The following PDE3B variants were observed in gnomAD, a reference collection of about 807,000 sequenced individuals.
PDE3B encodes phosphodiesterase 3B.
A neutral mutation model predicts 116.8 loss-of-function variants in PDE3B; 66 were observed. The observed-to-expected ratio is 0.56, with a 90% CI of 0.46 to 0.69. PDE3B has a LOEUF of 0.69. PDE3B is among the 30% of genes least tolerant of loss of function. The pLI is 0.00. For missense variants in PDE3B, 1,384 were observed against 1,368.1 expected (o/e 1.01, Z -0.18); for synonymous variants, 595 against 533.6 (o/e 1.12, Z -1.59).
intron 1 of PDE3B, chr11:14,674,031 A>C (rs1221149238): frequency 1.4e-5 from 21 of 1,476,902 alleles, no homozygotes; most frequent in Non-Finnish European, 2.8e-6. Flanking sequence ...TTCGTCTGGT[A>C]ATTAAGTCCC....
chr11:14,708,683 T>C (rs1855604971), intron 1 of PDE3B, among the ~76,000 whole-genome samples: 2 of 152,078 alleles, frequency 1.3e-5, no homozygotes, highest in African/African-American at 4.8e-5. Context: ...TGTAAGAGAA[T>C]ATTCCTCATC....
intron 7 of PDE3B, among the ~76,000 whole-genome samples, chr11:14,819,747 T>TA (rs66721429): frequency 6.6e-6 from 1 of 152,124 alleles, no homozygotes; most frequent in East Asian, 1.9e-4. Context: ...ATTATTTTTT[T>TA]AAAAAAAATC....
intron 1 of PDE3B, among the ~76,000 whole-genome samples, chr11:14,649,164 C>T (rs1047801957): frequency 6.6e-6 from 1 of 152,124 alleles, no homozygotes; most frequent in Non-Finnish European, 1.5e-5. Context: ...ACTCTGTCCT[C>T]CTCAGTGGCA....
At chr11:14,754,535 T>C (rs1372993166) in intron 1 of PDE3B, among the ~76,000 whole-genome samples, 1 of 152,216 alleles carries the variant, frequency 6.6e-6, no homozygotes, top group African/African-American at 2.4e-5. Flanking sequence ...AATAGTGTTT[T>C]GGAATGTGAG....
At chr11:14,857,115 T>C (rs1308114736) in intron 12 of PDE3B, among the ~76,000 whole-genome samples, 1 of 152,188 alleles carries the variant, frequency 6.6e-6, no homozygotes, top group Non-Finnish European at 1.5e-5. Flanking sequence ...GGGTGAAAAG[T>C]AAGATTTATG....
chr11:14,745,890 TC>T lies in PDE3B; in HGVS notation c.979-26045del, dbSNP rs571445217. ...ATCAGGTAACATCCATGATAGTTAT[TC>T]CACATCCCCATTTGCTATCTGATTC... On this transcript the variant is annotated intron_variant, in intron 1 of 15. Transcript: ENST00000282096. Among the ~76,000 whole-genome samples the T allele has an allele frequency of 2.6e-5, 4 of 152,316 alleles. No individual in the cohort carries two copies. In the South Asian group the frequency reaches 8.3e-4, roughly 32 times the overall value.
At chr11:14,656,381 A>G (rs1320170328) in intron 1 of PDE3B, among the ~76,000 whole-genome samples, 3 of 152,332 alleles carry the variant, frequency 2.0e-5, no homozygotes, top group East Asian at 3.9e-4. Flanking sequence ...GGAGTTCACA[A>G]TGGATATCTG....
intron 7 of PDE3B, among the ~76,000 whole-genome samples, chr11:14,826,152 C>T (rs946853125): frequency 6.6e-5 from 10 of 152,034 alleles, no homozygotes; most frequent in African/African-American, 2.4e-4. Flanking sequence ...CACTAAGCAG[C>T]CATATCAAAA....
intron 1 of PDE3B, among the ~76,000 whole-genome samples, chr11:14,687,636 G>C (rs1854915157): frequency 1.3e-5 from 2 of 152,112 alleles, no homozygotes; most frequent in South Asian, 4.1e-4. Context: ...GTTCCCAGGG[G>C]AACTTTCCAA....
the PDE3B span, chr11:14,879,049 T>A: frequency 7.9e-7 from 1 of 1,272,902 alleles, no homozygotes; most frequent in East Asian, 2.3e-5. Flanking sequence ...CAGATTAAGA[T>A]GCTGTATCTA....
At chr11:14,655,427 C>A (rs1255916144) in intron 1 of PDE3B, among the ~76,000 whole-genome samples, 1 of 152,146 alleles carries the variant, frequency 6.6e-6, no homozygotes, top group East Asian at 1.9e-4. Flanking sequence ...ACCTTTAATT[C>A]ATTCCTATCA....
rs564435478 is a variant in PDE3B, at chr11:14,760,321, T to C, written c.979-11616T>C. On this transcript the variant is annotated intron_variant, in intron 1 of 15. Coordinates refer to ENST00000282096, the MANE Select transcript of PDE3B (RefSeq NM_000922.4). ...CAAATTTATAATGGAACAAGTGATA[T>C]TTATAGGTTAAATCATTCTACAGAT... Among the ~76,000 whole-genome samples the C allele has an allele frequency of 3.9e-5, 6 of 152,290 alleles. No homozygotes were observed. The East Asian group carries it at 1.2e-3, about 29-fold the overall frequency.
chr11:14,703,953 C>T (rs1439913630), intron 1 of PDE3B, among the ~76,000 whole-genome samples: 2 of 151,618 alleles, frequency 1.3e-5, no homozygotes, highest in Non-Finnish European at 1.5e-5. Flanking sequence ...AGAATTCTGA[C>T]AAGTCTGTTT....
intron 13 of PDE3B, among the ~76,000 whole-genome samples, chr11:14,860,606 T>C (rs1847931023): frequency 6.6e-6 from 1 of 152,236 alleles, no homozygotes; most frequent in South Asian, 2.1e-4. Flanking sequence ...AGATTGGTAC[T>C]ACTTTTCCTA....
Position 14,843,945 on chromosome 11 carries a change from T to C in PDE3B, c.2439T>C (p.Ala813=). The C allele has an allele frequency of 6.2e-7, 1 of 1,614,100 alleles. No homozygotes were observed. The highest frequency in any genetic ancestry group is 8.5e-7 in the Non-Finnish European group (1 of 1,179,970). ...SSNIPALELM[A]LYVAAAMHDY... ...ACATTCCTGCATTAGAATTGATGGCTCTATACGTGGCAGCTGCCATGCATG... is the reference window on the plus strand; with the variant it reads ...ACATTCCTGCATTAGAATTGATGGCCCTATACGTGGCAGCTGCCATGCATG... Residue 813 remains alanine (A), a synonymous_variant, in exon 12 of 16, where the codon GCT becomes GCC. Transcript: ENST00000282096.
chr11:14,692,860 T>G (rs1280514908), intron 1 of PDE3B, among the ~76,000 whole-genome samples: 3 of 152,126 alleles, frequency 2.0e-5, no homozygotes, highest in African/African-American at 7.2e-5. Context: ...TTACCTTAAA[T>G]AGAAAGCCAG....
chr11:14,874,499 A>G (rs1848171951), downstream of PDE3B, among the ~76,000 whole-genome samples: 1 of 152,130 alleles, frequency 6.6e-6, no homozygotes, highest in South Asian at 2.1e-4. Flanking sequence ...TTCAGTGGCT[A>G]TAGTTATACT....
the PDE3B span, among the ~76,000 whole-genome samples, chr11:14,888,686 G>C: frequency 6.6e-6 from 1 of 152,100 alleles, no homozygotes; most frequent in African/African-American, 2.4e-5. Context: ...TCTTCTGCCT[G>C]CATGCTAAAT....
intron 1 of PDE3B, among the ~76,000 whole-genome samples, chr11:14,723,877 G>A (rs1391262232): frequency 6.6e-6 from 1 of 152,174 alleles, no homozygotes; most frequent in African/African-American, 2.4e-5. Flanking sequence ...AAGAAGAGTG[G>A]TGTGAGATTA....
Sources: allele counts gnomAD v4.1 joint callset (sites outside exome capture counted in the v4.1 genomes callset), GRCh38; gene constraint gnomAD v4.1.1; transcripts MANE v1.5; gene names NCBI Gene and HGNC (gene_info 2026-07-23, HGNC 2026-07-21).